The following FAM91A1 variants were observed in gnomAD, a reference collection of about 807,000 sequenced individuals.
The protein encoded by FAM91A1 is protein FAM91A1.
A neutral mutation model predicts 113.5 loss-of-function variants in FAM91A1; 41 were observed. The ratio of observed to expected loss-of-function variants is 0.36; its 90% CI spans 0.28 to 0.47. The LOEUF (loss-of-function observed/expected upper bound fraction) is 0.47, where lower values mean the gene tolerates loss of function less well. Ranked by LOEUF, FAM91A1 falls within the 20% of genes least tolerant of loss-of-function variation. The pLI, the probability that FAM91A1 is intolerant of heterozygous loss-of-function variation, is 1.00. For synonymous variants in FAM91A1, 307 were observed against 347.9 expected, an observed-to-expected ratio of 0.88 and a Z score of 1.31; for missense variants, 696 against 1,001.2, an observed-to-expected ratio of 0.70 and a Z score of 4.11.
chr8:123,805,830 C>T (rs1401047489), intron 19 of FAM91A1, among the ~76,000 whole-genome samples: 1 of 152,042 alleles, frequency 6.6e-6, no homozygotes, highest in Non-Finnish European at 1.5e-5. Flanking sequence ...GAGCATTTTT[C>T]TCTTTTATAA....
intron 11 of FAM91A1, 103 bp downstream of exon 11, chr8:123,785,844 GTCTC>G (rs1563640415): frequency 1.5e-6 from 1 of 679,298 alleles, no homozygotes; most frequent in Non-Finnish European, 2.3e-6. Flanking sequence ...TTGAGACAAA[GTCTC>G]TCTCTGTCAT....
At chr8:123,775,019 A>AT in intron 2 of FAM91A1, 128 bp from the exon 3 acceptor site, 2 of 913,474 alleles carry the variant, frequency 2.2e-6, no homozygotes, top group Non-Finnish European at 1.5e-6. Context: ...AACTTAGAAT[A>AT]TTTTATTTGT....
chr8:123,796,629 T>A (rs1447069480), intron 15 of FAM91A1, among the ~76,000 whole-genome samples: 2 of 151,576 alleles, frequency 1.3e-5, no homozygotes, highest in African/African-American at 2.4e-5. Flanking sequence ...TGGCTAACTT[T>A]TTGTATTTTA....
rs779384937 is a variant in FAM91A1, at chr8:123,812,613, C to T, written c.2426C>T (p.Ala809Val). The T allele has an allele frequency of 2.8e-5, 45 of 1,611,400 alleles. No individual in the cohort carries two copies. Among genetic ancestry groups the T allele is most frequent in the Middle Eastern group, 3.3e-4 (2 of 6,028 alleles). Residue 809 changes from alanine to valine, a missense_variant, in exon 24 of 24, where the codon GCA becomes GTA. Ala to Val is a moderately conservative substitution (Grantham distance 64). Coordinates refer to ENST00000334705, the MANE Select transcript of FAM91A1 (RefSeq NM_144963.4). ...GCTGACATGGGTGTTCCACTTCCTG[C>T]AAAAAACTTAATATTTAAAGATGGT... is the stretch of plus-strand genomic sequence containing the variant. ...SCADMGVPLP[A>V]KNLIFKDGVL...
Position 123,810,307 on chromosome 8 carries a change from A to C in FAM91A1, c.2287A>C (p.Arg763=), listed in dbSNP as rs750065879. 4 of 1,612,006 alleles carry C rather than the reference A, an allele frequency of 2.5e-6. No individual in the cohort carries two copies. In the African/African-American group the frequency reaches 5.4e-5, roughly 22 times the overall value. ...ESLQNLLHSS[R]KLSLQVLNFV... is the part of the protein sequence containing the mutation. ...CCTTCAAAACCTCTTACATTCCAGTAGAAAACTCTCTCTGCAAGTCCTTAA... is the reference window on the plus strand; with the variant it reads ...CCTTCAAAACCTCTTACATTCCAGTCGAAAACTCTCTCTGCAAGTCCTTAA... The change falls in exon 23 of 24, where the codon AGA becomes CGA. Residue 763 remains arginine (R), a synonymous_variant. Transcript: ENST00000334705.
intron 18 of FAM91A1, 60 bp downstream of exon 18, chr8:123,799,945 T>A: frequency 2.2e-6 from 3 of 1,333,946 alleles, no homozygotes; most frequent in Non-Finnish European, 3.1e-6. Context: ...TTTTTCTAGC[T>A]TTCTATATTG....
intron 23 of FAM91A1, chr8:123,810,627 G>A: frequency 2.1e-6 from 1 of 482,284 alleles, no homozygotes. Flanking sequence ...GCCATGCTAG[G>A]TGTTAGTTTT....
intron 8 of FAM91A1, among the ~76,000 whole-genome samples, chr8:123,780,949 C>A (rs940391421): frequency 2.0e-5 from 3 of 152,022 alleles, no homozygotes; most frequent in Non-Finnish European, 4.4e-5. Flanking sequence ...TTTCCTTTTC[C>A]CTTCTTCCTT....
chr8:123,808,786 A>G (rs1815876476), intron 21 of FAM91A1, 107 bp from the exon 22 acceptor site: 1 of 1,110,996 alleles, frequency 9.0e-7, no homozygotes, highest in Non-Finnish European at 1.2e-6. Context: ...TCAGTGGGGC[A>G]GGAGGAATCT....
chr8:123,808,151 A>G, intron 20 of FAM91A1, 121 bp from the exon 21 acceptor site: 1 of 748,750 alleles, frequency 1.3e-6, no homozygotes, highest in Non-Finnish European at 2.1e-6. Context: ...GCCAAGGATT[A>G]TGCATTTTCT....
rs947135502 is a variant in FAM91A1 at position 123,783,067 on chromosome 8, T to C, written c.704-1403T>C. ...GGCATGTGGCTGTAGTCCCAGCTAC[T>C]TGGGGGACTGGGGCAAGAGGATTGC... On this transcript the variant is annotated intron_variant, in intron 8 of 23. Transcript: ENST00000334705. 5.9e-5 allele frequency among the ~76,000 whole-genome samples: 9 copies of C among 152,244 alleles called. No homozygotes were observed. The South Asian group carries it at 1.7e-3, about 28-fold the overall frequency.
Position 123,768,553 on chromosome 8 carries a change from G to A in FAM91A1, c.-150G>A. 1 of 623,854 alleles carries A rather than the reference G, an allele frequency of 1.6e-6. No homozygotes were observed. The highest frequency in any genetic ancestry group is 3.1e-5 in the East Asian group (1 of 31,748). 38.6% of individuals were successfully genotyped at this position (623,854 alleles called of 1,614,324 possible). A position where few individuals can be genotyped will look rare whatever the true frequency, so the allele number is the denominator to read the frequency against. ...TGGCCCGGGCGGCGCTGAACTGTCG[G>A]GAGCCTAGGCCATGGGGCAGCCTGG... is the stretch of plus-strand genomic sequence containing the variant. On this transcript the variant is annotated 5_prime_UTR_variant, in exon 1 of 24. Transcript: ENST00000334705.
At chr8:123,808,691 T>G (rs1201895048) in intron 21 of FAM91A1, 2 of 530,984 alleles carry the variant, frequency 3.8e-6, no homozygotes, top group Admixed American at 3.4e-5. Context: ...AGACACATGT[T>G]TATACCCTAA....
At chr8:123,801,933 CAA>C (rs1563647362) in intron 18 of FAM91A1, among the ~76,000 whole-genome samples, 1 of 151,946 alleles carries the variant, frequency 6.6e-6, no homozygotes, top group Non-Finnish European at 1.5e-5. Context: ...ATGCCAGGGT[CAA>C]TAAGCTGTTC....
chr8:123,771,685 A>T (rs1281699270), intron 1 of FAM91A1, among the ~76,000 whole-genome samples: 2 of 152,302 alleles, frequency 1.3e-5, no homozygotes, highest in East Asian at 3.9e-4. Context: ...GGGAAATCTT[A>T]TGATAAGTTT....
chr8:123,808,171 C>A, intron 20 of FAM91A1, 101 bp from the exon 21 acceptor site: 2 of 906,514 alleles, frequency 2.2e-6, no homozygotes, highest in South Asian at 1.8e-5. Flanking sequence ...TTTCTGTCAT[C>A]ATTACTATTG....
chr8:123,780,559 A>AT lies in FAM91A1; in HGVS notation c.703+22dup. The stretch of plus-strand genomic sequence containing the variant: ...GTATAGCAGGTAAGTCCGTGCTAAC[A>AT]TTTTTCACTGTTTTTTGAATGGATA... On this transcript the variant is annotated intron_variant, in intron 8 of 23. Coordinates refer to ENST00000334705, the MANE Select transcript of FAM91A1 (RefSeq NM_144963.4). 1 of 1,603,056 alleles carries AT rather than the reference A, an allele frequency of 6.2e-7. No homozygotes were observed. Among genetic ancestry groups the AT allele is most frequent in the Non-Finnish European group, 8.5e-7 (1 of 1,173,220 alleles).
At chr8:123,799,068 A>G (rs1815613182) in intron 16 of FAM91A1, among the ~76,000 whole-genome samples, 1 of 152,226 alleles carries the variant, frequency 6.6e-6, no homozygotes, top group African/African-American at 2.4e-5. Flanking sequence ...AGGGTGGGCG[A>G]TTCCTCTTGT....
rs1563637852 is a variant in FAM91A1, at chr8:123,780,024, A to G, written c.589A>G (p.Ile197Val). The G allele has an allele frequency of 1.2e-6, 2 of 1,613,716 alleles. No individual in the cohort carries two copies. Among genetic ancestry groups the G allele is most frequent in the East Asian group, 2.2e-5 (1 of 44,814 alleles). ...TGAGAAATGCGCTGTTGATAAGATCATCGATTCAGGCCCTCAACTCTCTGG... is the reference window on the plus strand; with the variant it reads ...TGAGAAATGCGCTGTTGATAAGATCGTCGATTCAGGCCCTCAACTCTCTGG... ...LPEKCAVDKI[I>V]DSGPQLSGSL... Residue 197 changes from isoleucine (I) to valine (V), a missense_variant, in exon 7 of 24, where the codon ATC becomes GTC. Physicochemically the swap from Ile to Val is conservative, Grantham distance 29. Transcript: ENST00000334705.
Sources: gnomAD v4.1 joint callset for allele counts (sites outside exome capture counted in the v4.1 genomes callset) on GRCh38, gnomAD v4.1.1 for gene constraint, MANE v1.5 for transcripts, NCBI Gene and HGNC (gene_info 2026-07-23, HGNC 2026-07-21) for gene names.